ERP44: variants seen among roughly 807,000 people sequenced by gnomAD.
ERP44 encodes the protein endoplasmic reticulum resident protein 44.
A neutral mutation model predicts 53.4 loss-of-function variants in ERP44; 25 were observed. The ratio of observed to expected loss-of-function variants is 0.47; its 90% CI spans 0.34 to 0.65. The LOEUF is 0.65. Among genes scored for constraint, ERP44 ranks in the 30% least tolerant of loss-of-function variants. The pLI is 0.01. For synonymous variants in ERP44, 145 were observed against 161.2 expected, an observed-to-expected ratio of 0.90 and a Z score of 0.76; for missense variants, 338 against 493.2, an observed-to-expected ratio of 0.69 and a Z score of 2.98.
rs180889399 is a variant in ERP44 at position 100,055,375 on chromosome 9, G to A, written c.170+2445C>T. On this transcript the variant is annotated intron_variant, in intron 3 of 11. Transcript: ENST00000262455. ...ACCCTGATGTGTGTTTTTTTTGTTT[G>A]TTTTTGTTTTTGTTTGAGACGGAGT... Among the ~76,000 whole-genome samples the A allele has an allele frequency of 2.6e-5, 4 of 151,986 alleles. No homozygotes were observed. The East Asian group carries it at 7.7e-4, about 29-fold the overall frequency.
At chr9:100,046,967 C>T (rs1165826845) in intron 4 of ERP44, among the ~76,000 whole-genome samples, 1 of 152,144 alleles carries the variant, frequency 6.6e-6, no homozygotes, top group Non-Finnish European at 1.5e-5. Context: ...CCCACACATA[C>T]AGTGTCAGTT....
chr9:100,097,113 T>G (rs1340473270), intron 1 of ERP44, among the ~76,000 whole-genome samples: 1 of 152,172 alleles, frequency 6.6e-6, no homozygotes, highest in Non-Finnish European at 1.5e-5. Context: ...TTACATTTGC[T>G]TAGAAAGATA....
intron 4 of ERP44, among the ~76,000 whole-genome samples, chr9:100,034,439 T>G (rs1467738205): frequency 1.3e-5 from 2 of 152,194 alleles, no homozygotes; most frequent in African/African-American, 2.4e-5. Flanking sequence ...ATCCACCCTT[T>G]GTTTAGCATA....
chr9:100,016,291 A>G, intron 8 of ERP44, 31 bp downstream of exon 8: 1 of 1,571,702 alleles, frequency 6.4e-7, no homozygotes. Context: ...ATTTGAATTT[A>G]AAGTAACAAT....
At chr9:100,063,105 A>G (rs1826173831) in intron 1 of ERP44, among the ~76,000 whole-genome samples, 2 of 150,246 alleles carry the variant, frequency 1.3e-5, no homozygotes, top group South Asian at 2.1e-4. Context: ...AGAGAGAGAG[A>G]GGGAAATTGA....
At chr9:100,061,269 C>A (rs965291217) in intron 1 of ERP44, among the ~76,000 whole-genome samples, 7 of 151,784 alleles carry the variant, frequency 4.6e-5, no homozygotes, top group African/African-American at 1.7e-4. Flanking sequence ...CATGGTGAAA[C>A]CCTGTCTCTA....
At chr9:100,077,678 G>A (rs1178335953) in intron 1 of ERP44, among the ~76,000 whole-genome samples, 1 of 152,188 alleles carries the variant, frequency 6.6e-6, no homozygotes, top group Non-Finnish European at 1.5e-5. Flanking sequence ...GGAAGTTCAG[G>A]TTGCCAGCTG....
intron 10 of ERP44, among the ~76,000 whole-genome samples, chr9:99,990,765 G>A (rs1181046099): frequency 1.3e-5 from 2 of 152,086 alleles, no homozygotes; most frequent in African/African-American, 4.8e-5. Context: ...GTATTCAGGA[G>A]ACCCATCTCA....
At chr9:100,054,287 TG>T (rs1826067533) in intron 3 of ERP44, among the ~76,000 whole-genome samples, 1 of 152,282 alleles carries the variant, frequency 6.6e-6, no homozygotes, top group Admixed American at 6.5e-5. Flanking sequence ...CGCAGGTTTG[TG>T]GGTTCTTACA....
intron 4 of ERP44, among the ~76,000 whole-genome samples, chr9:100,038,103 C>T (rs372912785): frequency 1.3e-5 from 2 of 151,936 alleles, no homozygotes; most frequent in South Asian, 2.1e-4. Context: ...CTACAAGAAA[C>T]GTTAACGTGA....
chr9:100,016,512 T>C, intron 7 of ERP44, 74 bp from the exon 8 acceptor site: 1 of 1,452,454 alleles, frequency 6.9e-7, no homozygotes, highest in Non-Finnish European at 9.0e-7. Context: ...TTTTTCTTTA[T>C]ATTTTTTAAA....
rs138665646 is a variant in ERP44 at position 100,004,888 on chromosome 9, T to A, written c.1016+1618A>T. ...ATTGAGATTAACTTTCATAATCAACTCTTGACTAGATTACTGAACAGTCTC... is the reference window on the plus strand; with the variant it reads ...ATTGAGATTAACTTTCATAATCAACACTTGACTAGATTACTGAACAGTCTC... On this transcript the variant is annotated intron_variant, in intron 10 of 11. Transcript: ENST00000262455. Among the ~76,000 whole-genome samples, 116 of 152,312 alleles carry A rather than the reference T, an allele frequency of 7.6e-4. No homozygotes were observed. The East Asian group carries it at 0.012, about 15-fold the overall frequency.
chr9:100,092,029 A>G (rs1223130447), intron 1 of ERP44, among the ~76,000 whole-genome samples: 2 of 152,332 alleles, frequency 1.3e-5, no homozygotes, highest in Admixed American at 1.3e-4. Context: ...ATGCATCTCA[A>G]TGATCTTTTT....
intron 1 of ERP44, among the ~76,000 whole-genome samples, chr9:100,083,482 G>A (rs2118751401): frequency 6.6e-6 from 1 of 152,326 alleles, no homozygotes; most frequent in Non-Finnish European, 1.5e-5. Flanking sequence ...GAGAAGGGTT[G>A]AAAGTACAAT....
intron 1 of ERP44, among the ~76,000 whole-genome samples, chr9:100,077,758 C>A (rs1292592791): frequency 6.6e-6 from 1 of 152,200 alleles, no homozygotes; most frequent in African/African-American, 2.4e-5. Context: ...GCTGGGGTGA[C>A]TGACCCAGAC....
intron 10 of ERP44, among the ~76,000 whole-genome samples, chr9:99,985,898 T>G (rs1830192336): frequency 6.6e-6 from 1 of 152,216 alleles, no homozygotes; most frequent in Non-Finnish European, 1.5e-5. Context: ...TCATACACCC[T>G]TGCGGCATTC....
At chr9:100,014,329 A>C (rs1830507353) in intron 8 of ERP44, among the ~76,000 whole-genome samples, 1 of 152,126 alleles carries the variant, frequency 6.6e-6, no homozygotes, top group Non-Finnish European at 1.5e-5. Context: ...TCTGTCGCCC[A>C]GGCTGGAGTG....
At chr9:100,085,217 T>A (rs1482891852) in intron 1 of ERP44, among the ~76,000 whole-genome samples, 3 of 152,346 alleles carry the variant, frequency 2.0e-5, no homozygotes, top group African/African-American at 7.2e-5. Flanking sequence ...ACCCTCCTCT[T>A]TTAACCAACT....
chr9:100,032,973 C>T (rs182119028), intron 4 of ERP44, among the ~76,000 whole-genome samples: 37 of 152,272 alleles, frequency 2.4e-4, no homozygotes, highest in Non-Finnish European at 4.6e-4. Flanking sequence ...TAAAATGTTG[C>T]TGATCCTTTG....
Sources: allele counts gnomAD v4.1 joint callset (sites outside exome capture counted in the v4.1 genomes callset), GRCh38; gene constraint gnomAD v4.1.1; transcripts MANE v1.5; gene names NCBI Gene and HGNC (gene_info 2026-07-23, HGNC 2026-07-21).